Variants in SUPT20H observed in about 807,000 individuals in gnomAD.
The protein encoded by SUPT20H is SPT20 homolog, SAGA complex component.
In SUPT20H, 82 loss-of-function variants were observed where a neutral mutation model predicts 122.8. The ratio of observed to expected loss-of-function variants is 0.67; its 90% CI spans 0.56 to 0.80. SUPT20H has a LOEUF of 0.80. Ranked by LOEUF, SUPT20H falls within the 30% of genes least tolerant of loss-of-function variation. The probability of loss-of-function intolerance (pLI) is 0.00; values close to 1 mark genes in which losing one functional copy is unlikely to be tolerated. For synonymous variants in SUPT20H, 291 were observed against 313.0 expected (o/e 0.93, Z 0.74); for missense variants, 831 against 921.6 (o/e 0.90, Z 1.27).
intron 1 of SUPT20H, among the ~76,000 whole-genome samples, chr13:37,052,568 C>T (rs1445517336): frequency 6.6e-6 from 1 of 152,120 alleles, no homozygotes; most frequent in East Asian, 1.9e-4. Flanking sequence ...AAACCATAAA[C>T]CATAAAAACC....
At position 37,017,432 on chromosome 13, in the gene SUPT20H, T is replaced by G; in HGVS notation, c.1873-68A>C. 4.8e-6 allele frequency: 7 copies of G among 1,449,070 alleles called. No individual in the cohort carries two copies. The South Asian group carries it at 9.5e-5, about 20-fold the overall frequency. The allele number at this position is 1,449,070 out of a possible 1,614,324, so 89.8% of individuals were successfully genotyped here. ...TTATATCAAATATTTAAATTTATTC[T>G]ACAAATATTTTTGGATCATTTGCTA... On this transcript the variant is annotated intron_variant, in intron 22 of 25. Coordinates refer to ENST00000350612, the MANE Select transcript of SUPT20H (RefSeq NM_001014286.3).
At chr13:37,046,659 G>T (rs1197984571) in intron 5 of SUPT20H, among the ~76,000 whole-genome samples, 1 of 151,982 alleles carries the variant, frequency 6.6e-6, no homozygotes, top group East Asian at 1.9e-4. Context: ...TCTTATTTTA[G>T]TTCTGTCACT....
chr13:37,033,642 A>G, intron 9 of SUPT20H, 54 bp from the exon 10 acceptor site: 2 of 1,566,326 alleles, frequency 1.3e-6, no homozygotes, highest in Non-Finnish European at 1.7e-6. Flanking sequence ...TCAAATATGT[A>G]ATCATATATT....
Position 37,022,213 on chromosome 13 carries a change from T to C in SUPT20H, c.1592-133A>G, listed in dbSNP as rs773256451. The C allele has an allele frequency of 2.5e-6, 4 of 1,586,156 alleles. No homozygotes were observed. The highest frequency in any genetic ancestry group is 2.7e-5 in the African/African-American group (2 of 74,242). ...GGGGTGAAGCCTGAATCTTGGGGAG[T>C]AGGGGTGGCTGAAGGGGTACTAGGA... is the stretch of plus-strand genomic sequence containing the variant. On this transcript the variant is annotated intron_variant, in intron 19 of 25. Coordinates refer to ENST00000350612, the MANE Select transcript of SUPT20H (RefSeq NM_001014286.3). This position sits in a 1 kb window ranked among gnomAD's most constrained non-coding sequence, Gnocchi z 4.5.
intron 10 of SUPT20H, 73 bp downstream of exon 10, chr13:37,033,376 G>T: frequency 6.5e-7 from 1 of 1,550,232 alleles, no homozygotes. Context: ...ACCCTGGAGG[G>T]AAAAGATACT....
Position 37,026,871 on chromosome 13 carries a change from C to A in SUPT20H, c.1152-55G>T. On this transcript the variant is annotated intron_variant, in intron 14 of 25. Coordinates refer to ENST00000350612, the MANE Select transcript of SUPT20H (RefSeq NM_001014286.3). ...GTTAATGCAGCTCAAACTTTAACTTCATAGTTTATTAAATAAAGTATTTTA... is the reference window on the plus strand; with the variant it reads ...GTTAATGCAGCTCAAACTTTAACTTAATAGTTTATTAAATAAAGTATTTTA... 3 of 1,145,414 alleles carry A rather than the reference C, an allele frequency of 2.6e-6. No individual in the cohort carries two copies. In the South Asian group the frequency reaches 5.7e-5, roughly 22 times the overall value. The allele number at this position is 1,145,414 out of a possible 1,614,324, so 71.0% of individuals were successfully genotyped here. A position where few individuals can be genotyped will look rare whatever the true frequency, so the allele number is the denominator to read the frequency against.
At chr13:37,057,721 C>T (rs2069454963) in intron 1 of SUPT20H, among the ~76,000 whole-genome samples, 1 of 151,994 alleles carries the variant, frequency 6.6e-6, no homozygotes, top group African/African-American at 2.4e-5. Context: ...CACCTATAAT[C>T]CCAGCACTTT....
chr13:37,037,064 G>T (rs557993328), intron 9 of SUPT20H, among the ~76,000 whole-genome samples: 181 of 151,994 alleles, frequency 1.2e-3, no homozygotes, highest in Non-Finnish European at 2.2e-3. Context: ...GGGCATGGTG[G>T]CATGCACCTA....
chr13:37,021,379 T>A (rs1202102201), intron 21 of SUPT20H, 69 bp downstream of exon 21: 8 of 1,432,030 alleles, frequency 5.6e-6, no homozygotes, highest in Non-Finnish European at 7.5e-6. Context: ...GCATTACTCT[T>A]AAAATTACAT....
chr13:37,012,262 GGC>G lies in SUPT20H; in HGVS notation c.2026_2027del (p.Ala676LeufsTer10), dbSNP rs764472753. 1.2e-6 allele frequency: 2 copies of G among 1,613,270 alleles called. No homozygotes were observed. The highest frequency in any genetic ancestry group is 4.5e-5 in the East Asian group (2 of 44,822). Reference protein sequence around the residue: ...SEQGSTSQEQALSAQQAAVIN... With the variant: ...SEQGSTSQEQXLSAQQAAVIN... ...TAACAGCAGCTTGCTGAGCAGATAA[GGC>G]CTGTTCTTGACTGGTTGAACCTTGC... On this transcript the variant is annotated frameshift_variant, in exon 24 of 26. Coordinates refer to ENST00000350612, the MANE Select transcript of SUPT20H (RefSeq NM_001014286.3). LOFTEE classifies it high-confidence loss of function.
chr13:37,057,952 C>T (rs1245958326), intron 1 of SUPT20H, among the ~76,000 whole-genome samples: 2 of 124,894 alleles, frequency 1.6e-5, no homozygotes, highest in Non-Finnish European at 3.1e-5. Context: ...GCAGCCTGGA[C>T]GACATAGAGA....
At chr13:37,040,823 G>C (rs1007424601) in intron 7 of SUPT20H, 131 bp from the exon 8 acceptor site, 1 of 641,006 alleles carries the variant, frequency 1.6e-6, no homozygotes, top group African/African-American at 1.8e-5. Flanking sequence ...CTCTTCAGTA[G>C]ATTTCCTTGG....
rs950711856 is a variant in SUPT20H, at chr13:37,031,801, G to T, written c.802C>A (p.Gln268Lys). ...CCTGCTTTTCTTTCCTTTCTTTTTT[G>T]TAAGAAATCAAGTAACCTCAGCTGA... is the stretch of plus-strand genomic sequence containing the variant. Reference protein sequence around the residue: ...PPQLRLLDFLQKRKERKAGQH... With the variant: ...PPQLRLLDFLKKRKERKAGQH... The change falls in exon 11 of 26, where the codon CAA becomes AAA. Residue 268 changes from glutamine to lysine, a missense_variant. Transcript: ENST00000350612. 2.5e-6 allele frequency: 4 copies of T among 1,606,674 alleles called. No individual in the cohort carries two copies. The highest frequency in any genetic ancestry group is 1.7e-4 in the Middle Eastern group (1 of 6,042).
chr13:37,022,015 C>G lies in SUPT20H; in HGVS notation c.1657G>C (p.Val553Leu), dbSNP rs74906774. The change falls in exon 20 of 26, where the codon GTT (valine) becomes CTT (leucine). Residue 553 changes from valine (V) to leucine (L), a missense_variant. Physicochemically the swap from Val to Leu is conservative, Grantham distance 32. Transcript: ENST00000350612. This position sits in a 1 kb window ranked among gnomAD's most constrained non-coding sequence, Gnocchi z 4.5. ...CGAACATCAATGCAAACTTACCAAA[C>G]AGAGCCCACTACATTGATGAAGTTA... is the stretch of plus-strand genomic sequence containing the variant. ...GLNFINVVGS[V>L]CGAQALMSGS... The G allele has an allele frequency of 3.9e-3, 6,188 of 1,576,052 alleles. 17 individuals carry two copies. Among genetic ancestry groups the G allele is most frequent in the Admixed American group, 6.9e-3 (383 of 55,602 alleles).
Position 37,022,490 on chromosome 13 carries a change from A to G in SUPT20H, c.1592-410T>C. On this transcript the variant is annotated intron_variant, in intron 19 of 25. Transcript: ENST00000350612. This position sits in a 1 kb window ranked among gnomAD's most constrained non-coding sequence, Gnocchi z 4.5. ...TGATACATGAGTGTTGCTACACTCA[A>G]TTACAATTAAGGATGCAGTATATCA... 2 of 1,253,028 alleles carry G rather than the reference A, an allele frequency of 1.6e-6. No individual in the cohort carries two copies. The highest frequency in any genetic ancestry group is 6.1e-5 in the East Asian group (2 of 32,798). 77.6% of individuals were successfully genotyped at this position (1,253,028 alleles called of 1,614,324 possible).
chr13:37,021,669 C>A, intron 20 of SUPT20H, 67 bp from the exon 21 acceptor site: 2 of 1,491,224 alleles, frequency 1.3e-6, no homozygotes, highest in Admixed American at 2.3e-5. Context: ...CACAATTCCT[C>A]AGATTAAAAA....
chr13:37,050,347 C>CA (rs61668901), intron 2 of SUPT20H, among the ~76,000 whole-genome samples: 56,822 of 77,016 alleles, frequency 0.74, 20,479 homozygotes, highest in East Asian at 0.92. Flanking sequence ...CTGTCACTAC[C>CA]AAAAAAAAAA....
chr13:37,036,120 T>C (rs935296140), intron 9 of SUPT20H, among the ~76,000 whole-genome samples: 2 of 152,194 alleles, frequency 1.3e-5, no homozygotes, highest in African/African-American at 4.8e-5. Flanking sequence ...CAGTCATTAA[T>C]ATCCAGGCAA....
intron 1 of SUPT20H, among the ~76,000 whole-genome samples, chr13:37,052,290 T>C (rs2067907450): frequency 6.6e-6 from 1 of 152,088 alleles, no homozygotes; most frequent in Admixed American, 6.6e-5. Flanking sequence ...TATACAATGC[T>C]ACAGTAACCA....
Sources: gnomAD v4.1 joint callset for allele counts (sites outside exome capture counted in the v4.1 genomes callset) on GRCh38, gnomAD v4.1.1 for gene constraint, Gnocchi (gnomAD v3.1) non-coding constraint, MANE v1.5 for transcripts, NCBI Gene and HGNC (gene_info 2026-07-23, HGNC 2026-07-21) for gene names.